The following FAAH2 variants were observed in gnomAD, a reference collection of about 807,000 sequenced individuals.
FAAH2 encodes the protein fatty acid amide hydrolase 2, also known as fatty-acid amide hydrolase 2.
A neutral mutation model predicts 36.9 loss-of-function variants in FAAH2; 60 were observed. The observed-to-expected ratio is 1.63, with a 90% CI of 1.32 to 2.02. The LOEUF is 2.02. FAAH2 is among the 30% of genes most tolerant of loss of function. FAAH2 has a pLI of 0.00. For missense variants in FAAH2, 689 were observed against 397.5 expected (o/e 1.73, Z -6.23); for synonymous variants, 214 against 143.8 (o/e 1.49, Z -3.49).
In FAAH2 at chrX:57,378,785, A is replaced by T. The variant is rs202011260; in HGVS notation, c.877A>T (p.Arg293Trp). Residue 293 changes from arginine to tryptophan, a missense_variant and splice_region_variant, in exon 6 of 11, where the codon AGG becomes TGG. Coordinates refer to ENST00000374900, the MANE Select transcript of FAAH2 (RefSeq NM_174912.4). The stretch of plus-strand genomic sequence containing the variant: ...GGTCATGGCAGGACCTGGGATCAAA[A>T]GGTATGTTCATTTATTTTTATTTCC... The part of the protein sequence containing the change: ...LKVMAGPGIK[R>W]LKLDTKVHLK... The T allele has an allele frequency of 2.5e-6, 3 of 1,201,990 alleles. No individual in the cohort carries two copies. The highest frequency in any genetic ancestry group is 1.8e-5 in the African/African-American group (1 of 56,869).
chrX:57,168,243 T>A, the FAAH2 span, among the ~76,000 whole-genome samples: 2 of 110,876 alleles, frequency 1.8e-5, no homozygotes, highest in Non-Finnish European at 3.8e-5. Flanking sequence ...TCTGGAATCA[T>A]CAGTTTTTCC....
intron 10 of FAAH2, among the ~76,000 whole-genome samples, chrX:57,488,094 A>G (rs1394637634): frequency 8.9e-6 from 1 of 111,934 alleles, no homozygotes; most frequent in South Asian, 3.7e-4. Context: ...AAATTTAATT[A>G]CTGGATACTG....
At position 57,389,602 on chromosome X, in the gene FAAH2, A is replaced by C. The variant is rs191546178; in HGVS notation, c.996+8573A>C. ...ATATTCCAGTGCATGTATATACAGC[A>C]TTTTCTTTATCCATCCATCAACACA... On this transcript the variant is annotated intron_variant, in intron 7 of 10. Transcript: ENST00000374900. Among the ~76,000 whole-genome samples the C allele has an allele frequency of 6.4e-5, 7 of 110,195 alleles. 1 individual carries two copies. In the South Asian group the frequency reaches 2.3e-3, roughly 36 times the overall value.
the FAAH2 span, among the ~76,000 whole-genome samples, chrX:57,123,947 G>A: frequency 6.3e-5 from 7 of 111,776 alleles, no homozygotes; most frequent in Non-Finnish European, 1.3e-4. Flanking sequence ...CTCCCATTCT[G>A]TAGGTTGCCT....
intron 7 of FAAH2, chrX:57,392,886 T>C: frequency 1.2e-6 from 1 of 821,532 alleles, no homozygotes; most frequent in East Asian, 3.1e-5. Flanking sequence ...AAAGCCCTGC[T>C]TTGTGTAGAC....
the FAAH2 span, among the ~76,000 whole-genome samples, chrX:57,226,369 G>C: frequency 3.6e-5 from 4 of 111,949 alleles, no homozygotes; most frequent in Non-Finnish European, 7.5e-5. Context: ...CTCAATATTT[G>C]TTTGTCTGAA....
chrX:57,264,560 AG>A, the FAAH2 span, among the ~76,000 whole-genome samples: 1 of 112,745 alleles, frequency 8.9e-6, no homozygotes, highest in African/African-American at 3.2e-5. Context: ...GCAGAGAAAA[AG>A]GAATGCTTAT....
intron 2 of FAAH2, among the ~76,000 whole-genome samples, chrX:57,305,624 A>G (rs1335408298): frequency 3.6e-5 from 4 of 111,754 alleles, no homozygotes; most frequent in Non-Finnish European, 7.5e-5. Context: ...TTCCTGCTTT[A>G]AACATTTCAA....
chrX:57,140,961 C>T, the FAAH2 span, among the ~76,000 whole-genome samples: 1 of 111,705 alleles, frequency 9.0e-6, no homozygotes, highest in Non-Finnish European at 1.9e-5. Context: ...CACACATGTA[C>T]CCCATGAAAC....
intron 2 of FAAH2, among the ~76,000 whole-genome samples, chrX:57,299,406 C>G (rs1443249555): frequency 9.0e-6 from 1 of 111,578 alleles, no homozygotes; most frequent in Non-Finnish European, 1.9e-5. Flanking sequence ...AATTCAACAA[C>G]ACTTCATGCT....
intron 5 of FAAH2, among the ~76,000 whole-genome samples, chrX:57,354,571 AT>A (rs2054114741): frequency 9.1e-6 from 1 of 110,464 alleles, no homozygotes; most frequent in South Asian, 3.8e-4. Context: ...CATCTCATAA[AT>A]TTGTACAAAA....
At chrX:57,151,903 T>C in the FAAH2 span, among the ~76,000 whole-genome samples, 2 of 111,520 alleles carry the variant, frequency 1.8e-5, no homozygotes, top group Admixed American at 1.9e-4. Context: ...CTACTTTTGG[T>C]CTTTGATGAT....
intron 5 of FAAH2, among the ~76,000 whole-genome samples, chrX:57,367,723 A>T (rs1228641599): frequency 3.6e-5 from 4 of 111,302 alleles, no homozygotes; most frequent in Non-Finnish European, 7.5e-5. Context: ...ACTAAGGGGG[A>T]CTTCCCTCTG....
At chrX:57,392,843 G>T in intron 7 of FAAH2, 1 of 698,412 alleles carries the variant, frequency 1.4e-6, no homozygotes, top group Non-Finnish European at 2.3e-6. Flanking sequence ...ACAAGGACAA[G>T]TGTGTTTTGG....
the FAAH2 span, among the ~76,000 whole-genome samples, chrX:57,274,159 G>A: frequency 2.7e-5 from 3 of 111,952 alleles, no homozygotes; most frequent in African/African-American, 9.7e-5. Flanking sequence ...AGAAAATCTA[G>A]AAGAAATGGA....
intron 5 of FAAH2, among the ~76,000 whole-genome samples, chrX:57,349,603 A>C (rs1487407973): frequency 9.4e-6 from 1 of 106,701 alleles, no homozygotes; most frequent in East Asian, 2.9e-4. Context: ...GTATTAATTT[A>C]AGGAAATACA....
intron 5 of FAAH2, among the ~76,000 whole-genome samples, chrX:57,365,223 C>T (rs996566987): frequency 3.6e-5 from 4 of 112,014 alleles, no homozygotes; most frequent in Non-Finnish European, 7.5e-5. Context: ...ATTTAGCACT[C>T]ACTTAAGGAC....
At chrX:57,442,853 T>A (rs754786546) in intron 8 of FAAH2, among the ~76,000 whole-genome samples, 1 of 111,077 alleles carries the variant, frequency 9.0e-6, no homozygotes, top group South Asian at 3.9e-4. Flanking sequence ...GGATTTCATT[T>A]CTCCTTCACT....
chrX:57,351,378 A>G (rs1037078872), intron 5 of FAAH2, among the ~76,000 whole-genome samples: 3 of 111,440 alleles, frequency 2.7e-5, no homozygotes, highest in African/African-American at 9.7e-5. Flanking sequence ...GCTTACGTCC[A>G]AAAAAAGTAC....
Sources: gnomAD v4.1 joint callset for allele counts (sites outside exome capture counted in the v4.1 genomes callset) on GRCh38, gnomAD v4.1.1 for gene constraint, MANE v1.5 for transcripts, NCBI Gene and HGNC (gene_info 2026-07-23, HGNC 2026-07-21) for gene names.